Variants in UGGT2 observed in about 807,000 individuals in gnomAD.
UGGT2 encodes UDP-glucose glycoprotein glucosyltransferase 2.
Under a neutral mutation model 192.1 loss-of-function variants are expected in UGGT2, and 180 were observed. The ratio of observed to expected loss-of-function variants is 0.94; its 90% CI spans 0.83 to 1.06. UGGT2 has a LOEUF of 1.06. Among genes scored for constraint, UGGT2 ranks in the 50% least tolerant of loss-of-function variants. UGGT2 has a pLI of 0.00. For synonymous variants in UGGT2, 580 were observed against 591.0 expected (o/e 0.98, Z 0.27); for missense variants, 1,849 against 1,795.7 (o/e 1.03, Z -0.54).
chr13:95,897,318 G>A (rs1477005017), intron 22 of UGGT2, among the ~76,000 whole-genome samples: 1 of 151,952 alleles, frequency 6.6e-6, no homozygotes, highest in Non-Finnish European at 1.5e-5. Flanking sequence ...AAAAGACCCT[G>A]CTTTTGTTCC....
At chr13:96,007,617 A>G (rs2052022191) in intron 5 of UGGT2, among the ~76,000 whole-genome samples, 1 of 152,202 alleles carries the variant, frequency 6.6e-6, no homozygotes, top group Admixed American at 6.5e-5. Context: ...AAGATATAAA[A>G]TCAATATACA....
Position 96,023,106 on chromosome 13 carries a change from AC to A in UGGT2, c.418del (p.Val140LeufsTer17). 6.3e-7 allele frequency: 1 copy of A among 1,596,346 alleles called. No homozygotes were observed. The highest frequency in any genetic ancestry group is 1.1e-5 in the South Asian group (1 of 87,784). ...PPPDGCNAFVVIHKKHTCKIN... is the reference protein window; with the variant it reads ...PPPDGCNAFVXIHKKHTCKIN... ...TTTACAGGTGTGCTTCTTATGAATA[AC>A]CACAAATGCATTACAACCATCTGGT... is the stretch of plus-strand genomic sequence containing the variant. On this transcript the variant is annotated frameshift_variant, in exon 4 of 39. Coordinates refer to ENST00000376747, the MANE Select transcript of UGGT2 (RefSeq NM_020121.4). LOFTEE classifies it high-confidence loss of function.
chr13:95,845,951 G>A (rs534812116), intron 36 of UGGT2, among the ~76,000 whole-genome samples: 9 of 151,584 alleles, frequency 5.9e-5, no homozygotes, highest in East Asian at 2.0e-4. Context: ...CTGGGCAGCC[G>A]GGCAGAGGGG....
intron 12 of UGGT2, among the ~76,000 whole-genome samples, chr13:95,961,030 C>G (rs1017377597): frequency 6.6e-6 from 1 of 152,150 alleles, no homozygotes; most frequent in East Asian, 1.9e-4. Context: ...GCAAGAAATG[C>G]TTAAGGGAGT....
At chr13:95,836,081 C>G (rs1481277299) in intron 37 of UGGT2, among the ~76,000 whole-genome samples, 1 of 151,930 alleles carries the variant, frequency 6.6e-6, no homozygotes, top group East Asian at 1.9e-4. Context: ...TGGAGTTTTG[C>G]TCTTGTCTCC....
intron 7 of UGGT2, chr13:95,990,958 G>C (rs77169305): frequency 1.3e-5 from 2 of 152,212 alleles, no homozygotes; most frequent in Non-Finnish European, 2.9e-5. Flanking sequence ...CCACTTTTGA[G>C]TAAGAACATG....
intron 23 of UGGT2, 104 bp downstream of exon 23, chr13:95,895,076 A>G: frequency 1.7e-6 from 2 of 1,174,332 alleles, no homozygotes; most frequent in Non-Finnish European, 2.3e-6. Flanking sequence ...GTCTTTTATT[A>G]TACCTTTACT....
intron 21 of UGGT2, 111 bp downstream of exon 21, chr13:95,902,743 T>C: frequency 9.5e-7 from 1 of 1,047,700 alleles, no homozygotes; most frequent in Non-Finnish European, 1.4e-6. Context: ...ATGTTTATTA[T>C]CTTCATTTGT....
At chr13:95,849,486 T>C (rs1218228717) in intron 36 of UGGT2, among the ~76,000 whole-genome samples, 2 of 147,924 alleles carry the variant, frequency 1.4e-5, no homozygotes, top group South Asian at 2.1e-4. Context: ...GAGCTTGCAG[T>C]GAGCCAAGAT....
intron 15 of UGGT2, among the ~76,000 whole-genome samples, chr13:95,945,838 C>CT (rs1185964790): frequency 6.6e-6 from 1 of 152,098 alleles, no homozygotes; most frequent in Non-Finnish European, 1.5e-5. Flanking sequence ...TGCCAAATCA[C>CT]TGAAGTGTAG....
intron 2 of UGGT2, among the ~76,000 whole-genome samples, chr13:96,031,045 A>G (rs538777635): frequency 3.0e-4 from 46 of 152,280 alleles, no homozygotes; most frequent in African/African-American, 1.1e-3. Flanking sequence ...TAAACTATGG[A>G]CCTTGCGTAT....
intron 15 of UGGT2, among the ~76,000 whole-genome samples, chr13:95,942,765 A>C (rs1324977350): frequency 6.6e-6 from 1 of 152,126 alleles, no homozygotes; most frequent in African/African-American, 2.4e-5. Context: ...TTTTTTAATG[A>C]CATATTTTAA....
chr13:95,889,108 T>C (rs2047728505), intron 25 of UGGT2, among the ~76,000 whole-genome samples: 1 of 152,162 alleles, frequency 6.6e-6, no homozygotes, highest in Non-Finnish European at 1.5e-5. Context: ...TACTTTTATA[T>C]AAAAAACTTA....
chr13:95,837,034 A>T, intron 37 of UGGT2, 52 bp downstream of exon 37: 1 of 1,334,856 alleles, frequency 7.5e-7, no homozygotes, highest in East Asian at 2.3e-5. Context: ...AAATATTTCT[A>T]TTTAAACATT....
chr13:95,978,739 G>A (rs377053391), intron 10 of UGGT2, among the ~76,000 whole-genome samples: 24 of 152,014 alleles, frequency 1.6e-4, no homozygotes, highest in East Asian at 9.6e-4. Context: ...CATTCTTTAC[G>A]ATTAAAATTT....
intron 1 of UGGT2, among the ~76,000 whole-genome samples, chr13:96,042,196 G>C (rs1386178549): frequency 6.6e-6 from 1 of 152,172 alleles, no homozygotes; most frequent in African/African-American, 2.4e-5. Context: ...TCAGATCATA[G>C]GACTCTGTGC....
At chr13:95,915,918 C>T (rs1480505436) in intron 20 of UGGT2, among the ~76,000 whole-genome samples, 1 of 152,198 alleles carries the variant, frequency 6.6e-6, no homozygotes, top group Non-Finnish European at 1.5e-5. Flanking sequence ...ACAGAGTTCC[C>T]AGTGGGAGAA....
At chr13:95,995,770 C>T (rs1284980200) in intron 7 of UGGT2, 1 of 370,374 alleles carries the variant, frequency 2.7e-6, no homozygotes, top group Non-Finnish European at 4.9e-6. Flanking sequence ...TTATTTGATG[C>T]TATAAAAATA....
chr13:96,015,200 T>C lies in UGGT2; in HGVS notation c.486-1719A>G, dbSNP rs1053337555. Among the ~76,000 whole-genome samples, 6 of 149,184 alleles carry C rather than the reference T, an allele frequency of 4.0e-5. No homozygotes were observed. The East Asian group carries it at 1.2e-3, about 30-fold the overall frequency. ...GGCTGAGGCAGGAGAATGGCATGAATCCAGGAGGTGGAGCTTGCAGTGAGC... is the reference window on the plus strand; with the variant it reads ...GGCTGAGGCAGGAGAATGGCATGAACCCAGGAGGTGGAGCTTGCAGTGAGC... On this transcript the variant is annotated intron_variant, in intron 4 of 38. Transcript: ENST00000376747.
Sources: gnomAD v4.1 joint callset for allele counts (sites outside exome capture counted in the v4.1 genomes callset) on GRCh38, gnomAD v4.1.1 for gene constraint, MANE v1.5 for transcripts, NCBI Gene and HGNC (gene_info 2026-07-23, HGNC 2026-07-21) for gene names.